NFATC1: variants seen among roughly 807,000 people sequenced by gnomAD.
NFATC1 encodes the protein nuclear factor of activated T cells 1.
A neutral mutation model predicts 76.0 loss-of-function variants in NFATC1; 22 were observed. That is an observed-to-expected ratio of 0.29 (90% CI 0.21 to 0.41). The LOEUF (loss-of-function observed/expected upper bound fraction) is 0.41. NFATC1 is among the 10% of genes least tolerant of loss of function. The probability of loss-of-function intolerance (pLI) is 1.00; values close to 1 mark genes in which losing one functional copy is unlikely to be tolerated. For missense variants in NFATC1, 1,357 were observed against 1,337.7 expected (o/e 1.01, Z -0.23); for synonymous variants, 704 against 613.1 (o/e 1.15, Z -2.19).
chr18:79,406,693 G>A (rs2085450221), intron 1 of NFATC1, among the ~76,000 whole-genome samples: 1 of 152,200 alleles, frequency 6.6e-6, no homozygotes, highest in East Asian at 1.9e-4. Context: ...GCAGAGTAAT[G>A]AACAGGTGGC....
chr18:79,489,898 G>A (rs889898959), intron 9 of NFATC1, among the ~76,000 whole-genome samples: 1 of 152,226 alleles, frequency 6.6e-6, no homozygotes, highest in Non-Finnish European at 1.5e-5. Context: ...AGGCGGTGCC[G>A]CTTCGGGGGT....
At chr18:79,473,449 C>A (rs1449119438) in intron 8 of NFATC1, among the ~76,000 whole-genome samples, 1 of 152,150 alleles carries the variant, frequency 6.6e-6, no homozygotes, top group Non-Finnish European at 1.5e-5. Flanking sequence ...GAAGCGTGTT[C>A]TCAGCTCATT....
At chr18:79,466,360 C>T (rs1044675006) in intron 7 of NFATC1, among the ~76,000 whole-genome samples, 5 of 152,198 alleles carry the variant, frequency 3.3e-5, no homozygotes, top group African/African-American at 9.7e-5. Context: ...TTTATAGATG[C>T]GACTCCCGCC....
intron 8 of NFATC1, among the ~76,000 whole-genome samples, chr18:79,485,840 T>C (rs183214621): frequency 7.9e-5 from 12 of 152,344 alleles, no homozygotes; most frequent in Admixed American, 2.0e-4. Flanking sequence ...CTGAAAGCCG[T>C]CTTGTTCTGT....
intron 4 of NFATC1, among the ~76,000 whole-genome samples, chr18:79,450,371 AT>A (rs1350572106): frequency 5.3e-5 from 8 of 149,816 alleles, no homozygotes; most frequent in Admixed American, 4.7e-4. Flanking sequence ...TATAGTGGAA[AT>A]AATAGAATAA....
chr18:79,396,072 C>T lies in NFATC1; in HGVS notation c.-153C>T, dbSNP rs141407384. 3.1e-6 allele frequency: 3 copies of T among 961,658 alleles called. No homozygotes were observed. Among genetic ancestry groups the T allele is most frequent in the Non-Finnish European group, 3.9e-6 (3 of 767,122 alleles). 59.6% of individuals were successfully genotyped at this position (961,658 alleles called of 1,614,324 possible). A position where few individuals can be genotyped will look rare whatever the true frequency, so the allele number is the denominator to read the frequency against. Reference sequence around the variant, plus strand: ...AGGGCCGCGGCCGGGCCCCGCCACGCGCGCACACGCCCCTCGATGACTTTC... The same window carrying T: ...AGGGCCGCGGCCGGGCCCCGCCACGTGCGCACACGCCCCTCGATGACTTTC... On this transcript the variant is annotated 5_prime_UTR_variant, in exon 1 of 10. Coordinates refer to ENST00000427363, the MANE Select transcript of NFATC1 (RefSeq NM_001278669.2).
intron 9 of NFATC1, among the ~76,000 whole-genome samples, chr18:79,525,780 A>G (rs2090745881): frequency 6.6e-6 from 1 of 152,188 alleles, no homozygotes; most frequent in African/African-American, 2.4e-5. Context: ...CTTCCCCCAC[A>G]GGTGGGGCCT....
intron 9 of NFATC1, among the ~76,000 whole-genome samples, chr18:79,487,528 C>T (rs1478984899): frequency 2.0e-5 from 3 of 152,228 alleles, no homozygotes; most frequent in Non-Finnish European, 4.4e-5. Context: ...AGCCCCTGGG[C>T]TCGCACAGCG....
At chr18:79,439,080 G>A (rs541916207) in intron 3 of NFATC1, among the ~76,000 whole-genome samples, 43 of 152,266 alleles carry the variant, frequency 2.8e-4, no homozygotes, top group African/African-American at 5.3e-4. Context: ...GTTCAGTACC[G>A]TGAGGAGCAG....
chr18:79,422,218 G>C (rs1466404086), intron 2 of NFATC1: 1 of 152,248 alleles, frequency 6.6e-6, no homozygotes, highest in African/African-American at 2.4e-5. Context: ...TTCCATGACT[G>C]ATCTGTGCCC....
chr18:79,398,509 T>A (rs2085077324), intron 1 of NFATC1, among the ~76,000 whole-genome samples: 1 of 152,188 alleles, frequency 6.6e-6, no homozygotes. Flanking sequence ...TCTGAACCAT[T>A]TGCAGGAAGG....
intron 3 of NFATC1, among the ~76,000 whole-genome samples, chr18:79,443,932 A>T (rs1250700404): frequency 6.6e-6 from 1 of 152,172 alleles, no homozygotes; most frequent in Non-Finnish European, 1.5e-5. Flanking sequence ...TGATGCCAAC[A>T]GTGCCAGGTT....
chr18:79,412,249 G>A (rs2085717785), intron 2 of NFATC1, among the ~76,000 whole-genome samples: 1 of 152,226 alleles, frequency 6.6e-6, no homozygotes, highest in Non-Finnish European at 1.5e-5. Context: ...CAGCTGGTGG[G>A]CTGTGAGTGG....
At chr18:79,404,752 G>A (rs1185816897) in intron 1 of NFATC1, among the ~76,000 whole-genome samples, 5 of 152,254 alleles carry the variant, frequency 3.3e-5, no homozygotes, top group Admixed American at 2.0e-4. Context: ...AGGCAGAGGC[G>A]TGGCTGTCCT....
chr18:79,436,671 GA>G (rs1253209234), intron 3 of NFATC1, among the ~76,000 whole-genome samples: 2 of 152,222 alleles, frequency 1.3e-5, no homozygotes, highest in Non-Finnish European at 2.9e-5. Context: ...TCTGGGTTAG[GA>G]AAGGGTGTTT....
chr18:79,472,287 G>A (rs2088818829), intron 8 of NFATC1, among the ~76,000 whole-genome samples: 1 of 152,154 alleles, frequency 6.6e-6, no homozygotes, highest in Non-Finnish European at 1.5e-5. Flanking sequence ...CCCTCCAGGT[G>A]GCGTGGCCCA....
At position 79,410,599 on chromosome 18, in the gene NFATC1, G is replaced by A. The variant is rs1215383301; in HGVS notation, c.324G>A (p.Arg108=). 1 of 1,612,634 alleles carries A rather than the reference G, an allele frequency of 6.2e-7. No homozygotes were observed. The highest frequency in any genetic ancestry group is 1.1e-5 in the South Asian group (1 of 91,072). ...AGYFLSSGHT[R]PDGAPALESP... ...ACTTCCTCTCCTCCGGCCACACCAG[G>A]CCTGATGGGGCCCCTGCCCTGGAGA... Residue 108 remains arginine, a synonymous_variant, in exon 2 of 10, where the codon AGG becomes AGA. Coordinates refer to ENST00000427363, the MANE Select transcript of NFATC1 (RefSeq NM_001278669.2). The surrounding 1 kb of genome is among the most constrained non-coding windows in gnomAD (Gnocchi z 6.7).
rs770187821 is a variant in NFATC1, at chr18:79,486,832, C to T, written c.2677C>T (p.Arg893Trp). 120 of 1,611,742 alleles carry T rather than the reference C, an allele frequency of 7.4e-5. No homozygotes were observed. Among genetic ancestry groups the T allele is most frequent in the Non-Finnish European group, 9.2e-5 (108 of 1,179,528 alleles). Residue 893 changes from arginine to tryptophan, a missense_variant, in exon 9 of 10, where the codon CGG becomes TGG. Around this residue, in one of 3 missense-constraint regions of NFATC1, gnomAD observed 424 missense variants for 395.4 expected, o/e 1.07. Transcript: ENST00000427363. Reference protein sequence around the residue: ...RRDESPTAGPRLLPEVHEDGS... With the variant: ...RRDESPTAGPWLLPEVHEDGS... ...GGACGAGTCTCCGACTGCCGGGCCA[C>T]GGCTGCTGCCAGAGGTGCATGAGGA...
At position 79,486,436 on chromosome 18, in the gene NFATC1, G is replaced by T; in HGVS notation, c.2281G>T (p.Ala761Ser). 6.2e-7 allele frequency: 1 copy of T among 1,612,176 alleles called. No homozygotes were observed. The highest frequency in any genetic ancestry group is 8.5e-7 in the Non-Finnish European group (1 of 1,179,850). The part of the protein sequence containing the change: ...CPQRSTLMPA[A>S]PGVSPKLHDL... The stretch of plus-strand genomic sequence containing the variant: ...GCAGAGAAGCACCCTGATGCCAGCG[G>T]CCCCTGGCGTGAGCCCCAAGCTCCA... The change falls in exon 9 of 10, where the codon GCC becomes TCC. Residue 761 changes from alanine (A) to serine (S), a missense_variant. By Grantham distance (99) the Ala-to-Ser change is moderately conservative. Coordinates refer to ENST00000427363, the MANE Select transcript of NFATC1 (RefSeq NM_001278669.2).
Sources: allele counts gnomAD v4.1 joint callset (sites outside exome capture counted in the v4.1 genomes callset), GRCh38; gene constraint gnomAD v4.1.1; regional missense constraint gnomAD v4.1.1; non-coding constraint Gnocchi (gnomAD v3.1); transcripts MANE v1.5; gene names NCBI Gene and HGNC (gene_info 2026-07-23, HGNC 2026-07-21).